Variants in MLLT10 observed in about 807,000 individuals in gnomAD.
MLLT10 encodes protein AF-10.
MLLT10 carries 30 observed loss-of-function variants against 129.1 expected under a neutral mutation model. The ratio of observed to expected loss-of-function variants is 0.23; its 90% CI spans 0.17 to 0.32. The LOEUF (loss-of-function observed/expected upper bound fraction) is 0.32. Ranked by LOEUF, MLLT10 falls within the 10% of genes least tolerant of loss-of-function variation. MLLT10 has a pLI of 1.00. For synonymous variants in MLLT10, 490 were observed against 446.4 expected (o/e 1.10, Z -1.23); for missense variants, 1,119 against 1,268.3 (o/e 0.88, Z 1.79).
chr10:21,689,526 A>G (rs575842419), intron 13 of MLLT10, among the ~76,000 whole-genome samples: 1 of 145,394 alleles, frequency 6.9e-6, no homozygotes, highest in South Asian at 2.2e-4. Flanking sequence ...TAGAATGAGA[A>G]TACACAGGCT....
At chr10:21,537,765 G>A (rs1393358613) in intron 2 of MLLT10, among the ~76,000 whole-genome samples, 2 of 152,070 alleles carry the variant, frequency 1.3e-5, no homozygotes, top group African/African-American at 4.8e-5. Flanking sequence ...CACCGCGTCC[G>A]ACCTGAATTT....
chr10:21,601,146 A>G (rs1244485531), intron 5 of MLLT10, among the ~76,000 whole-genome samples: 2 of 152,058 alleles, frequency 1.3e-5, no homozygotes, highest in East Asian at 3.9e-4. Flanking sequence ...GGATCTCACT[A>G]TGTTGCCTAG....
At chr10:21,619,874 T>C (rs1243188) in intron 8 of MLLT10, among the ~76,000 whole-genome samples, 49,478 of 151,786 alleles carry the variant, frequency 0.33, 8,510 homozygotes, top group Middle Eastern at 0.48. Flanking sequence ...TTGAGTGTTA[T>C]AGACTATCTT....
chr10:21,726,505 A>C (rs1046333603), intron 15 of MLLT10, 150 bp downstream of exon 15: 29 of 505,688 alleles, frequency 5.7e-5, no homozygotes, highest in African/African-American at 5.3e-4. Flanking sequence ...GGAAAATGTT[A>C]AATATTTCAG....
At chr10:21,682,656 C>T (rs1297888085) in intron 13 of MLLT10, among the ~76,000 whole-genome samples, 1 of 152,002 alleles carries the variant, frequency 6.6e-6, no homozygotes, top group Non-Finnish European at 1.5e-5. Flanking sequence ...ATATAGAATA[C>T]TTTAATTATT....
chr10:21,549,170 C>T (rs1297992690), intron 3 of MLLT10, among the ~76,000 whole-genome samples: 2 of 145,258 alleles, frequency 1.4e-5, no homozygotes, highest in South Asian at 2.2e-4. Flanking sequence ...GTCACCCTGG[C>T]TGGAGTGCAG....
intron 5 of MLLT10, among the ~76,000 whole-genome samples, chr10:21,609,756 G>A (rs2044411490): frequency 6.6e-6 from 1 of 152,022 alleles, no homozygotes; most frequent in Non-Finnish European, 1.5e-5. Context: ...TACTTAAATT[G>A]TAGTGAGTAC....
intron 3 of MLLT10, among the ~76,000 whole-genome samples, chr10:21,556,183 C>A (rs1386466202): frequency 6.6e-6 from 1 of 151,310 alleles, no homozygotes; most frequent in Non-Finnish European, 1.5e-5. Flanking sequence ...GCCATGTTGG[C>A]CAGGCTGGTC....
At chr10:21,543,201 A>G (rs1418609091) in intron 3 of MLLT10, among the ~76,000 whole-genome samples, 1 of 150,600 alleles carries the variant, frequency 6.6e-6, no homozygotes, top group Non-Finnish European at 1.5e-5. Flanking sequence ...GCTCACCACA[A>G]CCTCCACCTC....
In MLLT10 at chr10:21,600,476, A is replaced by G. The variant is rs77454605; in HGVS notation, c.405+5036A>G. On this transcript the variant is annotated intron_variant, in intron 5 of 22. Transcript: ENST00000307729. ...AATTCCTGACTTATGTTCATGAAAC[A>G]TATTACTCTGTTTGTAAAACAAGTC... Among the ~76,000 whole-genome samples, 88 of 152,268 alleles carry G rather than the reference A, an allele frequency of 5.8e-4. 1 individual carries two copies. In the East Asian group the frequency reaches 0.017, roughly 29 times the overall value.
chr10:21,652,445 T>C (rs554489697), intron 9 of MLLT10, among the ~76,000 whole-genome samples: 1 of 152,322 alleles, frequency 6.6e-6, no homozygotes, highest in Admixed American at 6.5e-5. Context: ...TGGGGGAAAT[T>C]ATTAATGAAA....
At chr10:21,584,754 G>GTA (rs765481679) in intron 3 of MLLT10, among the ~76,000 whole-genome samples, 39 of 150,860 alleles carry the variant, frequency 2.6e-4, no homozygotes, top group Non-Finnish European at 3.7e-4. Flanking sequence ...TATAGTGTGT[G>GTA]TATATATATA....
At chr10:21,678,134 T>C (rs979122420) in intron 11 of MLLT10, among the ~76,000 whole-genome samples, 1 of 152,184 alleles carries the variant, frequency 6.6e-6, no homozygotes, top group Non-Finnish European at 1.5e-5. Flanking sequence ...AGCTGGAGTC[T>C]TGCTCTATTG....
In MLLT10 at chr10:21,740,181, C is replaced by T. The variant is rs887289785; in HGVS notation, c.3107C>T (p.Ala1036Val). Residue 1036 changes from alanine to valine, a missense_variant, in exon 22 of 23, where the codon GCT (alanine) becomes GTT (valine). Around this residue, in one of 5 missense-constraint regions of MLLT10, gnomAD observed 1,004 missense variants for 1,008.7 expected, o/e 1.00. Coordinates refer to ENST00000307729, the MANE Select transcript of MLLT10 (RefSeq NM_001195626.3). The part of the protein sequence containing the change: ...AGTQAPPLHT[A>V]TTNPFLTIHG... ...ACACAGGCACCCCCACTTCACACAG[C>T]TACCACCAACCCATTTCTCACCATC... 3.1e-5 allele frequency: 50 copies of T among 1,614,192 alleles called. No homozygotes were observed. The highest frequency in any genetic ancestry group is 4.1e-5 in the Non-Finnish European group (48 of 1,180,036).
chr10:21,665,197 C>T (rs973180814), intron 9 of MLLT10, among the ~76,000 whole-genome samples: 12 of 151,564 alleles, frequency 7.9e-5, no homozygotes, highest in Non-Finnish European at 1.8e-4. Flanking sequence ...CCACCTGTGT[C>T]GGCCTCTTAA....
chr10:21,708,522 T>C, intron 13 of MLLT10: 3 of 957,506 alleles, frequency 3.1e-6, no homozygotes, highest in Non-Finnish European at 2.5e-6. Flanking sequence ...TTTTAAGCTT[T>C]CCTGCCTTGA....
chr10:21,625,205 G>T, intron 8 of MLLT10: 2 of 1,489,892 alleles, frequency 1.3e-6, no homozygotes, highest in Non-Finnish European at 1.9e-6. Context: ...CTGTCTAGCA[G>T]CTTGGCGCTC....
intron 15 of MLLT10, among the ~76,000 whole-genome samples, chr10:21,727,144 C>A (rs2057578299): frequency 6.6e-6 from 1 of 152,146 alleles, no homozygotes; most frequent in South Asian, 2.1e-4. Flanking sequence ...TCAGAGGTTA[C>A]CTGACTCAGA....
chr10:21,587,242 G>C (rs969080451), intron 4 of MLLT10, among the ~76,000 whole-genome samples: 2 of 151,482 alleles, frequency 1.3e-5, no homozygotes, highest in African/African-American at 4.8e-5. Flanking sequence ...CTCTGCAAAA[G>C]TAAATATAAA....
Sources: allele counts gnomAD v4.1 joint callset (sites outside exome capture counted in the v4.1 genomes callset), GRCh38; gene constraint gnomAD v4.1.1; regional missense constraint gnomAD v4.1.1; transcripts MANE v1.5; gene names NCBI Gene and HGNC (gene_info 2026-07-23, HGNC 2026-07-21).